PLIN5: variants seen among roughly 807,000 people sequenced by gnomAD.
PLIN5 encodes the protein perilipin-5.
Under a neutral mutation model 32.8 loss-of-function variants are expected in PLIN5, and 34 were observed. That is an observed-to-expected ratio of 1.04 (90% CI 0.79 to 1.38). The LOEUF (loss-of-function observed/expected upper bound fraction) is 1.38, where lower values mean the gene tolerates loss of function less well. PLIN5 is among the 40% of genes most tolerant of loss of function. The pLI is 0.00. For missense variants in PLIN5, 712 were observed against 660.5 expected (o/e 1.08, Z -0.85); for synonymous variants, 309 against 292.9 (o/e 1.05, Z -0.56).
chr19:4,533,805 G>T, intron 2 of PLIN5: 1 of 603,502 alleles, frequency 1.7e-6, no homozygotes, highest in South Asian at 2.1e-5. Flanking sequence ...GAAGCCAGCT[G>T]GGTGTCTTTG....
At chr19:4,529,950 G>T (rs1265679562) in intron 3 of PLIN5, 84 bp from the exon 4 acceptor site, 2 of 789,152 alleles carry the variant, frequency 2.5e-6, no homozygotes, top group Non-Finnish European at 4.0e-6. Context: ...AGGAGGGAAT[G>T]CTAGAGAGAG....
chr19:4,528,870 T>C, intron 5 of PLIN5: 1 of 514,936 alleles, frequency 1.9e-6, no homozygotes, highest in East Asian at 3.2e-5. Context: ...GCCCTTAGGG[T>C]CTGGGTGTTC....
chr19:4,528,340 A>G (rs1242195072), intron 5 of PLIN5: 1 of 152,246 alleles, frequency 6.6e-6, no homozygotes, highest in East Asian at 1.9e-4. Context: ...ATATGACATA[A>G]ACCACTGGGG....
chr19:4,529,394 A>G (rs1976849797), intron 4 of PLIN5, 141 bp from the exon 5 acceptor site: 1 of 896,328 alleles, frequency 1.1e-6, no homozygotes, highest in Non-Finnish European at 1.7e-6. Context: ...AAAATGGGTG[A>G]TAAAACCCTT....
At position 4,529,871 on chromosome 19, in the gene PLIN5, A is replaced by AG. The variant is rs770513934; in HGVS notation, c.257-6dup. The AG allele has an allele frequency of 2.0e-5, 32 of 1,592,374 alleles. No individual in the cohort carries two copies. Among genetic ancestry groups the AG allele is most frequent in the Middle Eastern group, 3.4e-4 (2 of 5,902 alleles). On this transcript the variant is annotated splice_region_variant and splice_polypyrimidine_tract_variant and intron_variant, in intron 3 of 7. Coordinates refer to ENST00000381848, the MANE Select transcript of PLIN5 (RefSeq NM_001013706.3). The stretch of plus-strand genomic sequence containing the variant: ...CGAGGCTGTTCATAGTGGCCACTGA[A>AG]GGGAGAGAGGCGGGGAGTGAGACTC...
chr19:4,530,675 T>C (rs1338008005), intron 3 of PLIN5, among the ~76,000 whole-genome samples: 1 of 151,826 alleles, frequency 6.6e-6, no homozygotes, highest in Non-Finnish European at 1.5e-5. Flanking sequence ...GGGGATCAGA[T>C]TTATTTATTT....
intron 2 of PLIN5, 138 bp downstream of exon 2, chr19:4,533,877 T>C (rs997228368): frequency 8.8e-6 from 9 of 1,019,610 alleles, no homozygotes; most frequent in Non-Finnish European, 1.0e-5. Context: ...ATCCCCTCCA[T>C]GGACCAAAAT....
chr19:4,533,752 C>T (rs966423743), intron 2 of PLIN5: 13 of 559,564 alleles, frequency 2.3e-5, no homozygotes, highest in Non-Finnish European at 3.8e-5. Context: ...CAGGTGGAGA[C>T]CCAGGGATCA....
At chr19:4,524,321 T>G (rs1473801171) in intron 7 of PLIN5, among the ~76,000 whole-genome samples, 1 of 151,990 alleles carries the variant, frequency 6.6e-6, no homozygotes, top group Non-Finnish European at 1.5e-5. Context: ...GGAGGCCGAG[T>G]CGGGCGGATC....
At chr19:4,533,093 C>T (rs1423117001) in intron 2 of PLIN5, 1 of 148,502 alleles carries the variant, frequency 6.7e-6, no homozygotes, top group Admixed American at 6.8e-5. Context: ...CACCACCCCA[C>T]CTGGCTTTTT....
Position 4,525,440 on chromosome 19 carries a change from C to T in PLIN5, c.720+193G>A, listed in dbSNP as rs1976788321. ...TCTTCCACAAAACCCCTCCCTGACT[C>T]TCCAGGCAGAGCCATGACATCCCTG... On this transcript the variant is annotated intron_variant, in intron 6 of 7. Coordinates refer to ENST00000381848, the MANE Select transcript of PLIN5 (RefSeq NM_001013706.3). This position sits in a 1 kb window ranked among gnomAD's most constrained non-coding sequence, Gnocchi z 5.6. 6.6e-6 allele frequency among the ~76,000 whole-genome samples: 1 copy of T among 152,324 alleles called. No individual in the cohort carries two copies. The highest frequency in any genetic ancestry group is 2.1e-4 in the South Asian group (1 of 4,830).
chr19:4,524,799 G>GT (rs1287258741), intron 7 of PLIN5, among the ~76,000 whole-genome samples, 164 bp downstream of exon 7: 1 of 151,060 alleles, frequency 6.6e-6, no homozygotes, highest in Non-Finnish European at 1.5e-5. Flanking sequence ...ACCTGCCTCA[G>GT]TTTCCCCCCC....
intron 5 of PLIN5, among the ~76,000 whole-genome samples, chr19:4,526,918 A>G (rs1976810353): frequency 1.3e-5 from 2 of 151,508 alleles, no homozygotes; most frequent in South Asian, 4.2e-4. Context: ...AAATCCACAC[A>G]AGATATGGTG....
At chr19:4,532,200 A>G (rs529146059) in intron 2 of PLIN5, among the ~76,000 whole-genome samples, 4 of 149,708 alleles carry the variant, frequency 2.7e-5, no homozygotes, top group East Asian at 3.9e-4. Flanking sequence ...ACACCTGGCA[A>G]TTATATTATA....
chr19:4,527,594 C>T (rs868533223), intron 5 of PLIN5, among the ~76,000 whole-genome samples: 5 of 144,498 alleles, frequency 3.5e-5, no homozygotes, highest in African/African-American at 7.7e-5. Flanking sequence ...GGTGGACTCA[C>T]GCTTGTAATC....
At chr19:4,527,197 T>C (rs1976814759) in intron 5 of PLIN5, among the ~76,000 whole-genome samples, 1 of 151,908 alleles carries the variant, frequency 6.6e-6, no homozygotes, top group South Asian at 2.1e-4. Context: ...CACCTCAGCC[T>C]CCTGAGTAGC....
In PLIN5 at chr19:4,524,023, C is replaced by G. The variant is rs963919694; in HGVS notation, c.897G>C (p.Glu299Asp). The G allele has an allele frequency of 1.3e-6, 2 of 1,499,956 alleles. No homozygotes were observed. Among genetic ancestry groups the G allele is most frequent in the Non-Finnish European group, 8.8e-7 (1 of 1,133,938 alleles). 92.9% of individuals were successfully genotyped at this position (1,499,956 alleles called of 1,614,324 possible). A position where few individuals can be genotyped will look rare whatever the true frequency, so the allele number is the denominator to read the frequency against. The change falls in exon 8 of 8, where the codon GAG (glutamate) becomes GAC (aspartate). Residue 299 changes from glutamate (E) to aspartate (D), a missense_variant. By Grantham distance (45) the Glu-to-Asp change is conservative (BLOSUM62 2). Coordinates refer to ENST00000381848, the MANE Select transcript of PLIN5 (RefSeq NM_001013706.3). ...GGCCCCGCACGCTGGACTCCAGAGC[C>G]TCTACCGTGCCCTGCAGCTCCTGGG... ...SLTQELQGTV[E>D]ALESSVRGLP...
chr19:4,532,547 CTA>C (rs2145330495), intron 2 of PLIN5: 1 of 152,328 alleles, frequency 6.6e-6, no homozygotes, highest in East Asian at 1.9e-4. Context: ...CAGGGTTTCA[CTA>C]TGTTGACCAG....
rs1373698904 is a variant in PLIN5, at chr19:4,525,245, CCATA to C, written c.721-173_721-170del. Among the ~76,000 whole-genome samples the C allele has an allele frequency of 6.6e-6, 1 of 152,068 alleles. No individual in the cohort carries two copies. The highest frequency in any genetic ancestry group is 1.5e-5 in the Non-Finnish European group (1 of 68,000). On this transcript the variant is annotated intron_variant, in intron 6 of 7. Coordinates refer to ENST00000381848, the MANE Select transcript of PLIN5 (RefSeq NM_001013706.3). The surrounding 1 kb of genome is among the most constrained non-coding windows in gnomAD (Gnocchi z 5.6). ...GCTTGGACCCCAAGGGAGGTGGGAG[CCATA>C]GAGGGCTGTGGGTAAAGAAGGGACA...
Sources: gnomAD v4.1 joint callset for allele counts (sites outside exome capture counted in the v4.1 genomes callset) on GRCh38, gnomAD v4.1.1 for gene constraint, Gnocchi (gnomAD v3.1) non-coding constraint, MANE v1.5 for transcripts, NCBI Gene and HGNC (gene_info 2026-07-23, HGNC 2026-07-21) for gene names.